Variants in NCAPG observed in about 807,000 individuals in gnomAD.
The protein encoded by NCAPG is condensin complex subunit 3.
A neutral mutation model predicts 113.1 loss-of-function variants in NCAPG; 69 were observed. That is an observed-to-expected ratio of 0.61 (90% CI 0.50 to 0.75). The LOEUF (loss-of-function observed/expected upper bound fraction) is 0.75, where lower values mean the gene tolerates loss of function less well. NCAPG is among the 30% of genes least tolerant of loss of function. The pLI, the probability that NCAPG is intolerant of heterozygous loss-of-function variation, is 0.00. For synonymous variants in NCAPG, 370 were observed against 415.8 expected, an observed-to-expected ratio of 0.89 and a Z score of 1.34; for missense variants, 1,058 against 1,177.0, an observed-to-expected ratio of 0.90 and a Z score of 1.48.
intron 19 of NCAPG, 56 bp from the exon 20 acceptor site, chr4:17,842,254 T>G: frequency 6.6e-7 from 1 of 1,509,706 alleles, no homozygotes; most frequent in Non-Finnish European, 9.2e-7. Context: ...GAAACTAGAT[T>G]AAAAACAAAA....
chr4:17,818,062 T>A lies in NCAPG; in HGVS notation c.1092T>A (p.Pro364=), dbSNP rs529017903. 10 of 1,612,636 alleles carry A rather than the reference T, an allele frequency of 6.2e-6. No individual in the cohort carries two copies. The South Asian group carries it at 1.1e-4, about 18-fold the overall frequency. ...TTTTAGAGCAGATTTTGCCAGAGCC[T>A]GTAGTATATGCAGACTATTTATTGA... ...EEFLEQILPE[P]VVYADYLLSY... is the part of the protein sequence containing the mutation. The change falls in exon 7 of 21, where the codon CCT becomes CCA. Residue 364 remains proline, a synonymous_variant. Coordinates refer to ENST00000251496, the MANE Select transcript of NCAPG (RefSeq NM_022346.5).
Position 17,842,299 on chromosome 4 carries a change from C to CTA in NCAPG, c.2855-9_2855-8dup, listed in dbSNP as rs764707984. On this transcript the variant is annotated splice_polypyrimidine_tract_variant and intron_variant, in intron 19 of 20. Transcript: ENST00000251496. ...TAATAAATCCTGATAATGAATTATA[C>CTA]TATCTTCAAGGACAGAGAAAAGTGA... is the stretch of plus-strand genomic sequence containing the variant. The CTA allele has an allele frequency of 4.3e-6, 7 of 1,609,502 alleles. No homozygotes were observed. In the South Asian group the frequency reaches 6.6e-5, roughly 15 times the overall value.
At chr4:17,829,509 A>G (rs568950476) in intron 12 of NCAPG, among the ~76,000 whole-genome samples, 1 of 152,322 alleles carries the variant, frequency 6.6e-6, no homozygotes, top group Non-Finnish European at 1.5e-5. Context: ...GGTCCTACAA[A>G]ATTGAAGTAG....
In NCAPG at chr4:17,837,690, T is replaced by G. The variant is rs1560232405; in HGVS notation, c.2355T>G (p.Pro785=). 3 of 1,613,932 alleles carry G rather than the reference T, an allele frequency of 1.9e-6. No homozygotes were observed. The highest frequency in any genetic ancestry group is 2.5e-6 in the Non-Finnish European group (3 of 1,179,946). ...LPTLQTLANA[P]ASSPLAEIDI... ...CCCTGCAAACACTGGCCAATGCCCC[T>G]GCATCTTCTCCTTTAGCTGAAATTG... The change falls in exon 16 of 21, where the codon CCT becomes CCG. Residue 785 remains proline, a synonymous_variant. Transcript: ENST00000251496.
At chr4:17,827,971 TTG>T (rs1379423294) in intron 11 of NCAPG, among the ~76,000 whole-genome samples, 1 of 151,886 alleles carries the variant, frequency 6.6e-6, no homozygotes, top group Non-Finnish European at 1.5e-5. Context: ...ACACTAATTT[TTG>T]TGTTTTTAGT....
Position 17,811,084 on chromosome 4 carries a change from G to A in NCAPG, c.7G>A (p.Ala3Thr). 1 of 1,516,190 alleles carries A rather than the reference G, an allele frequency of 6.6e-7. No individual in the cohort carries two copies. The highest frequency in any genetic ancestry group is 8.8e-7 in the Non-Finnish European group (1 of 1,130,504). The allele number at this position is 1,516,190 out of a possible 1,614,324, so 93.9% of individuals were successfully genotyped here. A position where few individuals can be genotyped will look rare whatever the true frequency, so the allele number is the denominator to read the frequency against. MG[A>T]ERRLLSIKEA... The stretch of plus-strand genomic sequence containing the variant: ...CCGGCAGGGTTCCAGAGCCATGGGA[G>A]CGGAAAGGAGGCTGCTGTCGATTAA... The change falls in exon 1 of 21, where the codon GCG becomes ACG. Residue 3 changes from alanine to threonine, a missense_variant. Transcript: ENST00000251496. This position sits in a 1 kb window ranked among gnomAD's most constrained non-coding sequence, Gnocchi z 5.3.
chr4:17,822,893 A>G, intron 7 of NCAPG, 90 bp from the exon 8 acceptor site: 1 of 1,037,564 alleles, frequency 9.6e-7, no homozygotes, highest in Non-Finnish European at 1.4e-6. Flanking sequence ...ATATGACCTG[A>G]AAATGGCCCT....
At chr4:17,832,684 A>G (rs769895075) in intron 13 of NCAPG, among the ~76,000 whole-genome samples, 4 of 152,172 alleles carry the variant, frequency 2.6e-5, no homozygotes, top group Admixed American at 1.3e-4. Context: ...GCTTAGAGAT[A>G]GGATGTTGCC....
chr4:17,811,268 C>T lies in NCAPG; in HGVS notation c.111+80C>T, dbSNP rs1720927916. ...TCAGGGGCCCTCCGTGGCCCTCGGG[C>T]TCGGCGCACCGTGACTCCAGCCTTG... is the stretch of plus-strand genomic sequence containing the variant. On this transcript the variant is annotated intron_variant, in intron 1 of 20. Coordinates refer to ENST00000251496, the MANE Select transcript of NCAPG (RefSeq NM_022346.5). The surrounding 1 kb of genome is among the most constrained non-coding windows in gnomAD (Gnocchi z 5.3). 1 of 811,578 alleles carries T rather than the reference C, an allele frequency of 1.2e-6. No individual in the cohort carries two copies. The allele number at this position is 811,578 out of a possible 1,614,324, so 50.3% of individuals were successfully genotyped here. A position where few individuals can be genotyped will look rare whatever the true frequency, so the allele number is the denominator to read the frequency against.
At chr4:17,814,495 T>A (rs1721116035) in intron 3 of NCAPG, among the ~76,000 whole-genome samples, 1 of 152,230 alleles carries the variant, frequency 6.6e-6, no homozygotes, top group South Asian at 2.1e-4. Flanking sequence ...ACAGATGGGT[T>A]CTCACTCGGG....
chr4:17,835,491 C>T (rs1722059663), intron 14 of NCAPG, among the ~76,000 whole-genome samples: 2 of 152,072 alleles, frequency 1.3e-5, no homozygotes, highest in Admixed American at 1.3e-4. Flanking sequence ...CGTGCCTGGC[C>T]CAAACTAATA....
chr4:17,812,073 G>T, intron 1 of NCAPG, 148 bp from the exon 2 acceptor site: 1 of 620,446 alleles, frequency 1.6e-6, no homozygotes, highest in Non-Finnish European at 2.7e-6. Context: ...ATTGCCCTTT[G>T]GCTGGTTTGG....
intron 14 of NCAPG, among the ~76,000 whole-genome samples, chr4:17,836,074 C>G (rs1722080899): frequency 6.6e-6 from 1 of 152,118 alleles, no homozygotes; most frequent in African/African-American, 2.4e-5. Flanking sequence ...TTTAAATTTC[C>G]ATCTTCAGTG....
At chr4:17,821,938 T>A (rs147108221) in intron 7 of NCAPG, among the ~76,000 whole-genome samples, 1 of 152,234 alleles carries the variant, frequency 6.6e-6, no homozygotes, top group Non-Finnish European at 1.5e-5. Flanking sequence ...TTGGTGAGGA[T>A]TATAAAGGGC....
chr4:17,812,223 G>T lies in NCAPG; in HGVS notation c.114G>T (p.Met38Ile), dbSNP rs1560220315. Reference sequence around the variant, plus strand: ...GAAGGGTTTCTTTTGTCTTTCAGATGGATGATAAGACAGTTTTTCATGAGG... The same window carrying T: ...GAAGGGTTTCTTTTGTCTTTCAGATTGATGATAAGACAGTTTTTCATGAGG... Reference protein sequence around the residue: ...VVALSRTYRTMDDKTVFHEEF... With the variant: ...VVALSRTYRTIDDKTVFHEEF... Residue 38 changes from methionine to isoleucine, a missense_variant and splice_region_variant, in exon 2 of 21, where the codon ATG becomes ATT. Transcript: ENST00000251496. The T allele has an allele frequency of 6.2e-7, 1 of 1,610,124 alleles. No homozygotes were observed. The highest frequency in any genetic ancestry group is 1.1e-5 in the South Asian group (1 of 90,398).
At chr4:17,840,580 A>G in intron 18 of NCAPG, 27 bp from the exon 19 acceptor site, 4 of 1,247,630 alleles carry the variant, frequency 3.2e-6, no homozygotes, top group Non-Finnish European at 4.3e-6. Flanking sequence ...TATCTTATTT[A>G]TATTGTTGTA....
rs1410388760 is a variant in NCAPG at position 17,844,742 on chromosome 4, A to G, written c.*1317A>G. On this transcript the variant is annotated 3_prime_UTR_variant, in exon 21 of 21. Transcript: ENST00000251496. Reference sequence around the variant, plus strand: ...TGTAAGGAAAAGTCTTAGAAACATAATAAGCTAAAATCCCATTCACACATG... The same window carrying G: ...TGTAAGGAAAAGTCTTAGAAACATAGTAAGCTAAAATCCCATTCACACATG... The G allele has an allele frequency of 2.0e-5, 3 of 152,456 alleles. No individual in the cohort carries two copies. Among genetic ancestry groups the G allele is most frequent in the African/African-American group, 7.2e-5 (3 of 41,436 alleles). 9.4% of individuals were successfully genotyped at this position (152,456 alleles called of 1,614,324 possible).
intron 7 of NCAPG, among the ~76,000 whole-genome samples, chr4:17,818,800 C>T (rs1440010272): frequency 1.3e-5 from 2 of 152,144 alleles, no homozygotes; most frequent in East Asian, 1.9e-4. Flanking sequence ...CATAATTATA[C>T]CTCTTAAGAA....
chr4:17,825,610 C>T, intron 11 of NCAPG, 49 bp downstream of exon 11: 1 of 1,460,140 alleles, frequency 6.8e-7, no homozygotes, highest in Non-Finnish European at 9.3e-7. Context: ...TTAATCATCT[C>T]AACTAAATCT....
Sources: allele counts gnomAD v4.1 joint callset (sites outside exome capture counted in the v4.1 genomes callset), GRCh38; gene constraint gnomAD v4.1.1; non-coding constraint Gnocchi (gnomAD v3.1); transcripts MANE v1.5; gene names NCBI Gene and HGNC (gene_info 2026-07-23, HGNC 2026-07-21).